The following RBPJ variants were observed in gnomAD, a reference collection of about 807,000 sequenced individuals.
RBPJ encodes the protein recombining binding protein suppressor of hairless.
In RBPJ, 9 loss-of-function variants were observed where a neutral mutation model predicts 67.8. The ratio of observed to expected loss-of-function variants is 0.13; its 90% CI spans 0.08 to 0.23. RBPJ has a LOEUF of 0.23. Ranked by LOEUF, RBPJ falls within the 10% of genes least tolerant of loss-of-function variation. The probability of loss-of-function intolerance (pLI) is 1.00; values close to 1 mark genes in which losing one functional copy is unlikely to be tolerated. For synonymous variants in RBPJ, 198 were observed against 203.3 expected, an observed-to-expected ratio of 0.97 and a Z score of 0.22; for missense variants, 305 against 595.6, an observed-to-expected ratio of 0.51 and a Z score of 5.08.
intron 1 of RBPJ, among the ~76,000 whole-genome samples, chr4:26,383,583 T>C (rs1446388140): frequency 1.3e-5 from 2 of 152,222 alleles, no homozygotes; most frequent in African/African-American, 4.8e-5. Context: ...TATTCACATA[T>C]GTATAAATAT....
chr4:26,260,238 C>T (rs770811378), intron 1 of RBPJ, among the ~76,000 whole-genome samples: 5 of 152,180 alleles, frequency 3.3e-5, no homozygotes, highest in East Asian at 1.9e-4. Context: ...CTTTGTGTGG[C>T]TTGTCTAATA....
At chr4:26,113,705 A>C in the RBPJ span, 6 of 276,394 alleles carry the variant, frequency 2.2e-5, no homozygotes, top group Admixed American at 3.8e-5. Flanking sequence ...GTCAAATCTC[A>C]TTGTCCATCA....
upstream of RBPJ, among the ~76,000 whole-genome samples, chr4:26,316,535 A>G (rs12171359): frequency 0.049 from 10 of 206 alleles, no homozygotes; most frequent in South Asian, 0.17. Flanking sequence ...ATATATTCAT[A>G]TATATATTCA....
At chr4:26,151,055 G>GTA in the RBPJ span, among the ~76,000 whole-genome samples, 1 of 152,180 alleles carries the variant, frequency 6.6e-6, no homozygotes, top group Admixed American at 6.5e-5. Flanking sequence ...AATACTTTTT[G>GTA]ATGATGGAGG....
the RBPJ span, among the ~76,000 whole-genome samples, chr4:26,143,381 G>T: frequency 1.1e-4 from 16 of 152,116 alleles, no homozygotes; most frequent in Non-Finnish European, 1.9e-4. Context: ...CCCTCATCTC[G>T]CAAAGCGTAA....
At chr4:26,174,337 A>G (rs1412709081) in intron 1 of RBPJ, among the ~76,000 whole-genome samples, 5 of 152,166 alleles carry the variant, frequency 3.3e-5, no homozygotes, top group Non-Finnish European at 5.9e-5. Flanking sequence ...ACACGGCGTA[A>G]ATTTCTCACT....
At chr4:26,134,464 G>A in the RBPJ span, among the ~76,000 whole-genome samples, 598 of 152,336 alleles carry the variant, frequency 3.9e-3, 3 homozygotes, top group African/African-American at 0.014. Flanking sequence ...CATGAAGTCA[G>A]CCCTGAGAGT....
chr4:26,336,210 T>C lies in RBPJ; in HGVS notation c.20+15162T>C, dbSNP rs544847015. Among the ~76,000 whole-genome samples the C allele has an allele frequency of 3.3e-5, 5 of 152,334 alleles. No homozygotes were observed. The East Asian group carries it at 7.7e-4, about 23-fold the overall frequency. ...CGCTAGATCCCAGCTCCCAGAGATA[T>C]GCATGCATGTTTACAATGGGGTAAA... On this transcript the variant is annotated intron_variant, in intron 1 of 10. Coordinates refer to ENST00000355476, the MANE Select transcript of RBPJ (RefSeq NM_015874.6).
chr4:26,213,290 C>T (rs115494819), intron 1 of RBPJ, among the ~76,000 whole-genome samples: 206 of 152,230 alleles, frequency 1.4e-3, no homozygotes, highest in African/African-American at 4.7e-3. Flanking sequence ...GAATTGATTG[C>T]TTGCTTGCTG....
At chr4:26,147,040 G>C in the RBPJ span, among the ~76,000 whole-genome samples, 1 of 152,216 alleles carries the variant, frequency 6.6e-6, no homozygotes, top group Admixed American at 6.5e-5. Context: ...CCGCAGAAGG[G>C]AAGGCATGGT....
chr4:26,316,482 CATATTCATATAT>C (rs1285462891), upstream of RBPJ, among the ~76,000 whole-genome samples: 1 of 73,810 alleles, frequency 1.4e-5, no homozygotes, highest in South Asian at 4.3e-4. Context: ...TTCATATATA[CATATTCATATAT>C]ATATTCATAT....
chr4:26,279,358 G>A (rs1721182052), intron 1 of RBPJ, among the ~76,000 whole-genome samples: 1 of 152,140 alleles, frequency 6.6e-6, no homozygotes, highest in Non-Finnish European at 1.5e-5. Context: ...TCAGCTCACT[G>A]CAACCTCCGC....
At chr4:26,121,889 T>G in the RBPJ span, among the ~76,000 whole-genome samples, 109 of 149,898 alleles carry the variant, frequency 7.3e-4, 1 homozygote, top group African/African-American at 2.2e-3. Context: ...TTTTTTTTTT[T>G]TTTTTTGTAT....
At chr4:26,109,402 G>T in the RBPJ span, among the ~76,000 whole-genome samples, 1 of 128,182 alleles carries the variant, frequency 7.8e-6, no homozygotes, top group African/African-American at 3.0e-5. Context: ...CACTGTGCCT[G>T]TCCACCTTCC....
At chr4:26,224,319 T>A (rs907059990) in intron 1 of RBPJ, among the ~76,000 whole-genome samples, 1 of 152,174 alleles carries the variant, frequency 6.6e-6, no homozygotes, top group Non-Finnish European at 1.5e-5. Flanking sequence ...AACCTCTGCC[T>A]CCCAGGTTCA....
intron 1 of RBPJ, among the ~76,000 whole-genome samples, chr4:26,340,930 GA>G (rs35445403): frequency 6.6e-6 from 1 of 152,068 alleles, no homozygotes; most frequent in South Asian, 2.1e-4. Context: ...TGTCATAAAG[GA>G]AAAAAATCAT....
chr4:26,414,205 T>C (rs1326710448), intron 3 of RBPJ, among the ~76,000 whole-genome samples: 1 of 151,958 alleles, frequency 6.6e-6, no homozygotes, highest in Non-Finnish European at 1.5e-5. Context: ...AGAGTCTCAC[T>C]CTAACCCAAG....
chr4:26,372,182 A>G (rs1435486532), intron 1 of RBPJ, among the ~76,000 whole-genome samples: 2 of 152,220 alleles, frequency 1.3e-5, no homozygotes, highest in Admixed American at 1.3e-4. Flanking sequence ...CTAATCTTAC[A>G]GATTTAGAGA....
rs78206102 is a variant in RBPJ at position 26,181,423 on chromosome 4, G to A, written c.-167+17809G>A. Among the ~76,000 whole-genome samples the A allele has an allele frequency of 5.9e-3, 897 of 152,244 alleles. 3 individuals carry two copies. The highest frequency in any genetic ancestry group is 7.9e-3 in the Non-Finnish European group (538 of 68,002). ...TCCTAAATTCTGCCCTATCTAATGC[G>A]ATAGCCTTCCTCCCTCTCCATACCT... On this transcript the variant is annotated intron_variant, in intron 1 of 4. Transcript: ENST00000512351.
Sources: gnomAD v4.1 joint callset for allele counts (sites outside exome capture counted in the v4.1 genomes callset) on GRCh38, gnomAD v4.1.1 for gene constraint, MANE v1.5 for transcripts, NCBI Gene and HGNC (gene_info 2026-07-23, HGNC 2026-07-21) for gene names.